The following EFNB2 variants were observed in gnomAD, a reference collection of about 807,000 sequenced individuals.
The protein encoded by EFNB2 is ephrin B2, also known as ephrin-B2.
EFNB2 carries 5 observed loss-of-function variants against 32.1 expected under a neutral mutation model. That is an observed-to-expected ratio of 0.16 (90% confidence interval 0.08 to 0.33). The LOEUF (loss-of-function observed/expected upper bound fraction) is 0.33. Ranked by LOEUF, EFNB2 falls within the 10% of genes least tolerant of loss-of-function variation. The pLI, the probability that EFNB2 is intolerant of heterozygous loss-of-function variation, is 1.00. For missense variants in EFNB2, 263 were observed against 422.6 expected, an observed-to-expected ratio of 0.62 and a Z score of 3.31; for synonymous variants, 168 against 166.5, an observed-to-expected ratio of 1.01 and a Z score of -0.07.
chr13:106,526,372 G>C (rs1321978398), intron 1 of EFNB2, among the ~76,000 whole-genome samples: 2 of 152,190 alleles, frequency 1.3e-5, no homozygotes, highest in African/African-American at 4.8e-5. Context: ...TTTTAGGACA[G>C]GTAGAGTGGT....
intron 1 of EFNB2, chr13:106,517,044 T>C (rs1250534863): frequency 2.6e-5 from 4 of 152,194 alleles, no homozygotes; most frequent in African/African-American, 4.8e-5. Flanking sequence ...TTGAATTCTG[T>C]TGCTTTGATT....
chr13:106,534,725 C>A, intron 1 of EFNB2, 118 bp downstream of exon 1: 1 of 1,198,248 alleles, frequency 8.3e-7, no homozygotes, highest in Non-Finnish European at 1.1e-6. Context: ...GGGTGGGGGA[C>A]GGGGAACCGA....
chr13:106,534,822 G>C, intron 1 of EFNB2, 21 bp downstream of exon 1: 2 of 1,606,414 alleles, frequency 1.2e-6, no homozygotes, highest in Non-Finnish European at 1.7e-6. Flanking sequence ...GGGACATAGG[G>C]GGATCGCGGA....
At chr13:106,495,498 TTATCTATCTATC>T (rs66616530) in intron 3 of EFNB2, among the ~76,000 whole-genome samples, 3 of 144,820 alleles carry the variant, frequency 2.1e-5, no homozygotes, top group Non-Finnish European at 3.0e-5. Context: ...TATCTATCTA[TTATCTATCTATC>T]TATCTATCTA....
rs868855139 is a variant in EFNB2, at chr13:106,534,879, A to G, written c.86T>C (p.Val29Ala). ...LCRTAISKSI[V>A]LEPIYWNSSN... is the part of the protein sequence containing the mutation. ...GGAATTCCAATAGATAGGCTCTAAA[A>G]CTATCGATTTGGAAATCGCAGTTCT... Residue 29 changes from valine to alanine, a missense_variant, in exon 1 of 5, where the codon GTT becomes GCT. Val to Ala is a moderately conservative substitution (Grantham distance 64). Coordinates refer to ENST00000646441, the MANE Select transcript of EFNB2 (RefSeq NM_004093.4). 8 of 1,613,426 alleles carry G rather than the reference A, an allele frequency of 5.0e-6. No individual in the cohort carries two copies. Among genetic ancestry groups the G allele is most frequent in the African/African-American group, 1.3e-5 (1 of 74,972 alleles).
At chr13:106,531,794 C>T (rs1294395726) in intron 1 of EFNB2, among the ~76,000 whole-genome samples, 2 of 152,094 alleles carry the variant, frequency 1.3e-5, no homozygotes, top group African/African-American at 4.8e-5. Context: ...AAGCAAAATG[C>T]TATGTTAACT....
rs1484738939 is a variant in EFNB2 at position 106,507,712 on chromosome 13, C to T, written c.406+4817G>A. 4.6e-5 allele frequency among the ~76,000 whole-genome samples: 7 copies of T among 152,298 alleles called. No individual in the cohort carries two copies. In the South Asian group the frequency reaches 1.5e-3, roughly 32 times the overall value. On this transcript the variant is annotated intron_variant, in intron 2 of 4. Transcript: ENST00000646441. ...AGCTTCTCCAGACTTGTTCAGTGTTCCTTAAGGAAGACTTTGCCAAGGCAT... is the reference window on the plus strand; with the variant it reads ...AGCTTCTCCAGACTTGTTCAGTGTTTCTTAAGGAAGACTTTGCCAAGGCAT...
intron 1 of EFNB2, among the ~76,000 whole-genome samples, chr13:106,525,801 C>G (rs1879680647): frequency 6.6e-6 from 1 of 152,204 alleles, no homozygotes. Context: ...GTACAGGTCA[C>G]TCTGCCTTGT....
intron 2 of EFNB2, among the ~76,000 whole-genome samples, chr13:106,497,303 T>C (rs1461865866): frequency 2.0e-5 from 3 of 152,156 alleles, no homozygotes; most frequent in Non-Finnish European, 4.4e-5. Flanking sequence ...GTCTCACAAT[T>C]GCATCTCATT....
chr13:106,509,161 T>C (rs1879053685), intron 2 of EFNB2, among the ~76,000 whole-genome samples: 1 of 152,168 alleles, frequency 6.6e-6, no homozygotes, highest in African/African-American at 2.4e-5. Context: ...GACTTTCTCA[T>C]TAAGCTTAGG....
chr13:106,512,034 T>G (rs1264882514), intron 2 of EFNB2, among the ~76,000 whole-genome samples: 1 of 152,216 alleles, frequency 6.6e-6, no homozygotes, highest in Non-Finnish European at 1.5e-5. Context: ...ATTTATGAGC[T>G]CCATCTTCTC....
In EFNB2 at chr13:106,535,031, C is replaced by T; in HGVS notation, c.-67G>A. On this transcript the variant is annotated 5_prime_UTR_variant, in exon 1 of 5. Coordinates refer to ENST00000646441, the MANE Select transcript of EFNB2 (RefSeq NM_004093.4). ...GGACTGACGGGACGCAGGCTGGGAC[C>T]CCCAATCCTCCGGGGCAGACTGGCG... 6.3e-7 allele frequency: 1 copy of T among 1,591,768 alleles called. No homozygotes were observed. Among genetic ancestry groups the T allele is most frequent in the African/African-American group, 1.3e-5 (1 of 74,168 alleles).
Position 106,519,435 on chromosome 13 carries a change from G to A in EFNB2, c.123-6623C>T, listed in dbSNP as rs374845939. 9.2e-5 allele frequency: 14 copies of A among 152,224 alleles called. No homozygotes were observed. The East Asian group carries it at 2.7e-3, about 29-fold the overall frequency. 9.4% of individuals were successfully genotyped at this position (152,224 alleles called of 1,614,324 possible). On this transcript the variant is annotated intron_variant, in intron 1 of 4. Coordinates refer to ENST00000646441, the MANE Select transcript of EFNB2 (RefSeq NM_004093.4). ...GTGAGCAGAATAAATGTGTGGGGGG[G>A]GAGGAGGCCCACACATAAAGCTCTT...
At chr13:106,532,824 G>GA (rs1269956604) in intron 1 of EFNB2, among the ~76,000 whole-genome samples, 1 of 149,602 alleles carries the variant, frequency 6.7e-6, no homozygotes, top group African/African-American at 2.5e-5. Flanking sequence ...CATCAGAATG[G>GA]GGGGGGGGAG....
At chr13:106,516,134 T>A (rs1879304681) in intron 1 of EFNB2, 1 of 152,166 alleles carries the variant, frequency 6.6e-6, no homozygotes, top group African/African-American at 2.4e-5. Context: ...TATTTGCAGA[T>A]CACAGACATG....
At chr13:106,534,720 G>C in intron 1 of EFNB2, 123 bp downstream of exon 1, 1 of 1,163,204 alleles carries the variant, frequency 8.6e-7, no homozygotes, top group South Asian at 1.6e-5. Flanking sequence ...GTTGGGGGTG[G>C]GGGACGGGGA....
rs750286889 is a variant in EFNB2, at chr13:106,492,993, G to A, written c.*47C>T. On this transcript the variant is annotated 3_prime_UTR_variant, in exon 5 of 5. Coordinates refer to ENST00000646441, the MANE Select transcript of EFNB2 (RefSeq NM_004093.4). The surrounding 1 kb of genome is among the most constrained non-coding windows in gnomAD (Gnocchi z 5.1). Reference sequence around the variant, plus strand: ...CTCAAACCCTCAAGGGAGGCATCGGGACATTAGGTGTCCTCTGGGAAAGCA... The same window carrying A: ...CTCAAACCCTCAAGGGAGGCATCGGAACATTAGGTGTCCTCTGGGAAAGCA... 1.3e-6 allele frequency: 2 copies of A among 1,556,848 alleles called. No individual in the cohort carries two copies. Among genetic ancestry groups the A allele is most frequent in the Admixed American group, 1.7e-5 (1 of 57,214 alleles).
Position 106,535,133 on chromosome 13 carries a change from G to A in EFNB2, c.-169C>T. 1.6e-6 allele frequency: 1 copy of A among 628,836 alleles called. No individual in the cohort carries two copies. The highest frequency in any genetic ancestry group is 2.2e-6 in the Non-Finnish European group (1 of 461,998). 39.0% of individuals were successfully genotyped at this position (628,836 alleles called of 1,614,324 possible). Reference sequence around the variant, plus strand: ...AGCGGTCGCCGGGCCAGGTGCGCTCGCTCTCCGGGGCCCTCAGGGCGCGGG... The same window carrying A: ...AGCGGTCGCCGGGCCAGGTGCGCTCACTCTCCGGGGCCCTCAGGGCGCGGG... On this transcript the variant is annotated 5_prime_UTR_variant, in exon 1 of 5. Transcript: ENST00000646441.
Position 106,534,996 on chromosome 13 carries a change from G to A in EFNB2, c.-32C>T. ...GCCACTCCCAGCTCCGCGCACTCCG[G>A]GCCAAGAAGGGACTGACGGGACGCA... On this transcript the variant is annotated 5_prime_UTR_variant, in exon 1 of 5. Coordinates refer to ENST00000646441, the MANE Select transcript of EFNB2 (RefSeq NM_004093.4). 3 of 1,611,098 alleles carry A rather than the reference G, an allele frequency of 1.9e-6. No homozygotes were observed. Among genetic ancestry groups the A allele is most frequent in the Non-Finnish European group, 2.5e-6 (3 of 1,178,602 alleles).
Sources: allele counts gnomAD v4.1 joint callset (sites outside exome capture counted in the v4.1 genomes callset), GRCh38; gene constraint gnomAD v4.1.1; non-coding constraint Gnocchi (gnomAD v3.1); transcripts MANE v1.5; gene names NCBI Gene and HGNC (gene_info 2026-07-23, HGNC 2026-07-21).